PIAS2: variants seen among roughly 807,000 people sequenced by gnomAD.
The protein encoded by PIAS2 is protein inhibitor of activated STAT 2.
A neutral mutation model predicts 69.7 loss-of-function variants in PIAS2; 19 were observed. The observed-to-expected ratio is 0.27, with a 90% CI of 0.19 to 0.40. PIAS2 has a LOEUF of 0.40. Ranked by LOEUF, PIAS2 falls within the 10% of genes least tolerant of loss-of-function variation. The probability of loss-of-function intolerance (pLI) is 1.00; values close to 1 mark genes in which losing one functional copy is unlikely to be tolerated. For synonymous variants in PIAS2, 261 were observed against 263.2 expected, an observed-to-expected ratio of 0.99 and a Z score of 0.08; for missense variants, 624 against 757.0, an observed-to-expected ratio of 0.82 and a Z score of 2.06.
At chr18:46,888,230 G>A (rs984316326) in intron 2 of PIAS2, among the ~76,000 whole-genome samples, 1 of 152,084 alleles carries the variant, frequency 6.6e-6, no homozygotes, top group African/African-American at 2.4e-5. Context: ...CACAGCTCAT[G>A]TTCATGTACT....
chr18:46,898,064 G>A (rs1172877055), intron 1 of PIAS2, among the ~76,000 whole-genome samples: 1 of 151,728 alleles, frequency 6.6e-6, no homozygotes, highest in Non-Finnish European at 1.5e-5. Flanking sequence ...TGTGTTGTCC[G>A]GGTTGGTCTT....
intron 2 of PIAS2, among the ~76,000 whole-genome samples, chr18:46,872,641 G>A (rs1257650655): frequency 6.6e-6 from 1 of 152,176 alleles, no homozygotes; most frequent in Non-Finnish European, 1.5e-5. Flanking sequence ...TGGAACCCAA[G>A]GTTAAGTATT....
intron 3 of PIAS2, among the ~76,000 whole-genome samples, chr18:46,856,570 C>A (rs543306709): frequency 6.6e-6 from 1 of 152,124 alleles, no homozygotes; most frequent in Non-Finnish European, 1.5e-5. Flanking sequence ...ACTCTTGCCA[C>A]GCAACATGGA....
At position 46,825,340 on chromosome 18, in the gene PIAS2, G is replaced by T. The variant is rs188285908; in HGVS notation, c.1508+2619C>A. Among the ~76,000 whole-genome samples the T allele has an allele frequency of 2.0e-4, 31 of 152,292 alleles. No individual in the cohort carries two copies. In the East Asian group the frequency reaches 5.8e-3, roughly 28 times the overall value. ...CAGAAAATATGATTTTGGGACAAAA[G>T]ATTAAATTTCCTAGTATTCAGAAAG... On this transcript the variant is annotated intron_variant, in intron 11 of 13. Coordinates refer to ENST00000585916, the MANE Select transcript of PIAS2 (RefSeq NM_004671.5).
intron 8 of PIAS2, 39 bp downstream of exon 8, chr18:46,844,015 A>G: frequency 1.7e-6 from 2 of 1,179,206 alleles, no homozygotes; most frequent in Non-Finnish European, 1.2e-6. Flanking sequence ...TCATTTATAA[A>G]AAGTCAAATT....
chr18:46,833,073 T>G (rs2043909504), intron 9 of PIAS2, among the ~76,000 whole-genome samples: 1 of 152,108 alleles, frequency 6.6e-6, no homozygotes, highest in Non-Finnish European at 1.5e-5. Context: ...TCCTAAGTAT[T>G]TACCCAAGAT....
intron 3 of PIAS2, among the ~76,000 whole-genome samples, chr18:46,859,909 C>T (rs1599853259): frequency 6.6e-6 from 1 of 152,090 alleles, no homozygotes; most frequent in Non-Finnish European, 1.5e-5. Flanking sequence ...AAAATGGGTA[C>T]AAGAAGTCAG....
chr18:46,884,414 G>T (rs932528316), intron 2 of PIAS2, among the ~76,000 whole-genome samples: 1 of 151,758 alleles, frequency 6.6e-6, no homozygotes, highest in Non-Finnish European at 1.5e-5. Context: ...CCAGATTCAC[G>T]CCATTCTCCT....
In PIAS2 at chr18:46,884,686, C is replaced by G. The variant is rs1001532630; in HGVS notation, c.499+5894G>C. On this transcript the variant is annotated intron_variant, in intron 2 of 13. Coordinates refer to ENST00000585916, the MANE Select transcript of PIAS2 (RefSeq NM_004671.5). Reference sequence around the variant, plus strand: ...ATCCCAGCACTTTGTGAGGCCAAGGCAGGCAGATCACTTGAGGTCAGGAGT... The same window carrying G: ...ATCCCAGCACTTTGTGAGGCCAAGGGAGGCAGATCACTTGAGGTCAGGAGT... Among the ~76,000 whole-genome samples, 5 of 152,044 alleles carry G rather than the reference C, an allele frequency of 3.3e-5. No individual in the cohort carries two copies. In the East Asian group the frequency reaches 7.8e-4, roughly 24 times the overall value.
intron 11 of PIAS2, chr18:46,826,702 T>G (rs745452049): frequency 1.3e-5 from 2 of 152,212 alleles, no homozygotes; most frequent in African/African-American, 2.4e-5. Flanking sequence ...AAAATCCACT[T>G]GAAATACTTC....
intron 3 of PIAS2, among the ~76,000 whole-genome samples, chr18:46,859,924 A>G (rs562658666): frequency 2.0e-5 from 3 of 152,352 alleles, no homozygotes; most frequent in Admixed American, 6.5e-5. Context: ...AGTCAGTGTG[A>G]GGAACTGAGA....
intron 12 of PIAS2, chr18:46,817,917 C>T: frequency 2.0e-6 from 2 of 982,474 alleles, no homozygotes; most frequent in Non-Finnish European, 2.4e-6. Flanking sequence ...ATTTTACTGC[C>T]TTGTTTCGTA....
intron 9 of PIAS2, among the ~76,000 whole-genome samples, chr18:46,832,701 G>A (rs529867522): frequency 2.6e-5 from 4 of 151,922 alleles, no homozygotes; most frequent in Admixed American, 6.6e-5. Context: ...GACCAGCCTG[G>A]CCACTATGGC....
chr18:46,919,755 A>G (rs892233807), upstream of PIAS2, among the ~76,000 whole-genome samples: 7 of 152,218 alleles, frequency 4.6e-5, no homozygotes. Flanking sequence ...GTATTTGTTT[A>G]ATGAATAAAG....
chr18:46,871,782 T>C (rs939876732), intron 2 of PIAS2, among the ~76,000 whole-genome samples: 35 of 152,284 alleles, frequency 2.3e-4, no homozygotes, highest in African/African-American at 6.3e-4. Context: ...AATATAAAAA[T>C]TGATCAGCCC....
chr18:46,912,799 G>T (rs1031961982), intron 1 of PIAS2, among the ~76,000 whole-genome samples: 1 of 152,064 alleles, frequency 6.6e-6, no homozygotes, highest in Non-Finnish European at 1.5e-5. Flanking sequence ...ATGGGAGTGG[G>T]ATTTAATGGA....
At chr18:46,917,589 C>G (rs1236106781), upstream of PIAS2, 21 of 1,046,174 alleles carry the variant, frequency 2.0e-5, no homozygotes, top group Non-Finnish European at 2.2e-5. Context: ...GACCGCCTTC[C>G]GCCCGCGCCT....
At position 46,804,129 on chromosome 18, in the gene PIAS2, A is replaced by G. The variant is rs944158898; in HGVS notation, c.*8304T>C. On this transcript the variant is annotated 3_prime_UTR_variant, in exon 14 of 14. Transcript: ENST00000585916. ...ATCCACCATTTCTTCATCCACCAAT[A>G]TTTACTGGGCACCTTCTATGTAGCC... 4.6e-5 allele frequency: 7 copies of G among 152,124 alleles called. No homozygotes were observed. The highest frequency in any genetic ancestry group is 8.8e-5 in the Non-Finnish European group (6 of 68,034). The allele number at this position is 152,124 out of a possible 1,614,324, so 9.4% of individuals were successfully genotyped here. A position where few individuals can be genotyped will look rare whatever the true frequency, so the allele number is the denominator to read the frequency against.
intron 7 of PIAS2, among the ~76,000 whole-genome samples, 164 bp from the exon 8 acceptor site, chr18:46,844,291 CTTTG>C (rs2045855552): frequency 6.6e-6 from 1 of 152,068 alleles, no homozygotes; most frequent in Non-Finnish European, 1.5e-5. Context: ...ATGCAAATTT[CTTTG>C]TTTAAATTCT....
Sources: allele counts gnomAD v4.1 joint callset (sites outside exome capture counted in the v4.1 genomes callset), GRCh38; gene constraint gnomAD v4.1.1; transcripts MANE v1.5; gene names NCBI Gene and HGNC (gene_info 2026-07-23, HGNC 2026-07-21).